Variants in TNRC18 observed in about 807,000 individuals in gnomAD.
The protein encoded by TNRC18 is trinucleotide repeat-containing gene 18 protein.
Under a neutral mutation model 226.7 loss-of-function variants are expected in TNRC18, and 69 were observed. The observed-to-expected ratio is 0.30, with a 90% CI of 0.25 to 0.37. TNRC18 has a LOEUF of 0.37. Among genes scored for constraint, TNRC18 ranks in the 10% least tolerant of loss-of-function variants. TNRC18 has a pLI of 1.00. For missense variants in TNRC18, 4,754 were observed against 4,256.6 expected (o/e 1.12, Z -3.25); for synonymous variants, 2,449 against 1,927.6 (o/e 1.27, Z -7.09).
Position 5,378,341 on chromosome 7 carries a change from T to C in TNRC18, c.2153-317A>G, listed in dbSNP as rs113517307. Among the ~76,000 whole-genome samples, 148 of 152,314 alleles carry C rather than the reference T, an allele frequency of 9.7e-4. 3 individuals carry two copies. Among genetic ancestry groups the C allele is most frequent in the African/African-American group, 3.3e-3 (137 of 41,570 alleles). ...CCAGGGATATTGTAAGAAAATGTCA[T>C]AAAACTTGTCACATAACAATGAAAC... On this transcript the variant is annotated intron_variant, in intron 5 of 29. Transcript: ENST00000430969.
At chr7:5,403,703 G>A (rs73059708) in intron 2 of TNRC18, among the ~76,000 whole-genome samples, 8,802 of 151,858 alleles carry the variant, frequency 0.058, 352 homozygotes, top group Non-Finnish European at 0.084. Context: ...GAAGGCACGA[G>A]GATCATTTGA....
At chr7:5,350,068 T>A (rs1791624369) in intron 17 of TNRC18, among the ~76,000 whole-genome samples, 1 of 148,278 alleles carries the variant, frequency 6.7e-6, no homozygotes, top group Non-Finnish European at 1.5e-5. Flanking sequence ...CTCAAAAACT[T>A]GGAAGCGGAA....
chr7:5,360,918 G>A, intron 14 of TNRC18, among the ~76,000 whole-genome samples: 1 of 152,152 alleles, frequency 6.6e-6, no homozygotes, highest in East Asian at 1.9e-4. Context: ...CAGGTCTTGA[G>A]CCGCCTAGCG....
rs1387947096 is a variant in TNRC18, at chr7:5,312,986, G to A, written c.7905C>T (p.Ser2635=). 5.6e-6 allele frequency: 6 copies of A among 1,067,964 alleles called. No homozygotes were observed. The African/African-American group carries it at 6.3e-5, about 11-fold the overall frequency. 66.2% of individuals were successfully genotyped at this position (1,067,964 alleles called of 1,614,324 possible). The change falls in exon 27 of 30, where the codon TCC becomes TCT. Residue 2635 remains serine (S), a synonymous_variant. Transcript: ENST00000430969. The surrounding 1 kb of genome is among the most constrained non-coding windows in gnomAD (Gnocchi z 6.3). ...SSSSSSSSSS[S]SSSSSSSSSS... ...AGGAAGAGGAGGAGGAGGAAGAGGA[G>A]GAGGAGGAAGAGGAGGATGAGGAGG...
chr7:5,384,159 G>A (rs4724651), intron 5 of TNRC18, among the ~76,000 whole-genome samples: 64,653 of 151,744 alleles, frequency 0.43, 17,940 homozygotes, highest in African/African-American at 0.79. Context: ...GTAGAGACGG[G>A]GTTTTACCAC....
chr7:5,317,315 C>T (rs924179407), intron 24 of TNRC18, among the ~76,000 whole-genome samples: 5 of 152,064 alleles, frequency 3.3e-5, no homozygotes, highest in East Asian at 1.9e-4. Flanking sequence ...TGAGGCCTGG[C>T]GCAGTGGCTC....
Position 5,324,739 on chromosome 7 carries a change from G to A in TNRC18, c.6300+357C>T, listed in dbSNP as rs1441268928. ...GGAAAAACCACTCGGGCAGGGGCTA[G>A]CAGGTGTGGGGAGTGGACATGCCAT... On this transcript the variant is annotated intron_variant, in intron 20 of 29. Transcript: ENST00000430969. The surrounding 1 kb of genome is among the most constrained non-coding windows in gnomAD (Gnocchi z 4.8). Among the ~76,000 whole-genome samples the A allele has an allele frequency of 1.3e-5, 2 of 152,180 alleles. No homozygotes were observed. The highest frequency in any genetic ancestry group is 4.8e-5 in the African/African-American group (2 of 41,446).
intron 17 of TNRC18, 28 bp from the exon 18 acceptor site, chr7:5,345,838 C>A: frequency 6.5e-7 from 1 of 1,530,562 alleles, no homozygotes; most frequent in Middle Eastern, 1.7e-4. Context: ...GGGACCGAGT[C>A]AGAGCCTTGG....
Position 5,352,161 on chromosome 7 carries a change from G to C in TNRC18, c.5195-67C>G, listed in dbSNP as rs1449894375. 2.7e-6 allele frequency: 4 copies of C among 1,464,876 alleles called. No homozygotes were observed. The East Asian group carries it at 9.6e-5, about 35-fold the overall frequency. 90.7% of individuals were successfully genotyped at this position (1,464,876 alleles called of 1,614,324 possible). A position where few individuals can be genotyped will look rare whatever the true frequency, so the allele number is the denominator to read the frequency against. On this transcript the variant is annotated intron_variant, in intron 16 of 29. Transcript: ENST00000430969. Reference sequence around the variant, plus strand: ...AGCAGGAGCTGGTGTCATTTTATTGGTTTTAATGGTTCTGAGAACGTACTG... The same window carrying C: ...AGCAGGAGCTGGTGTCATTTTATTGCTTTTAATGGTTCTGAGAACGTACTG...
chr7:5,400,333 G>C (rs943831454), intron 2 of TNRC18, among the ~76,000 whole-genome samples: 2 of 152,162 alleles, frequency 1.3e-5, no homozygotes, highest in African/African-American at 4.8e-5. Context: ...TTCAGAGCTG[G>C]GAGTGGTGGC....
rs750118272 is a variant in TNRC18, at chr7:5,371,276, G to A, written c.3318C>T (p.Asp1106=). The change falls in exon 11 of 30, where the codon GAC becomes GAT. Residue 1106 remains aspartate, a synonymous_variant. Coordinates refer to ENST00000430969, the MANE Select transcript of TNRC18 (RefSeq NM_001080495.3). ...GCACATCAGGGGCCAAGCCGTCCGC[G>A]TCGGCGGCGGCCGTGGGCTGCAGCA... ...PFLLQPTAAA[D]ADGLAPDVPL... is the part of the protein sequence containing the mutation. The A allele has an allele frequency of 2.1e-5, 33 of 1,586,654 alleles. No homozygotes were observed. The highest frequency in any genetic ancestry group is 2.0e-4 in the African/African-American group (15 of 74,222).
At chr7:5,399,522 C>A (rs907790096) in intron 2 of TNRC18, among the ~76,000 whole-genome samples, 1 of 151,890 alleles carries the variant, frequency 6.6e-6, no homozygotes, top group African/African-American at 2.4e-5. Flanking sequence ...GCCTGGCAGA[C>A]ATGGTAAAAC....
At chr7:5,339,228 TC>T (rs1790428068) in intron 18 of TNRC18, among the ~76,000 whole-genome samples, 1 of 131,002 alleles carries the variant, frequency 7.6e-6, no homozygotes, top group Non-Finnish European at 1.8e-5. Flanking sequence ...TCTTTTTTTT[TC>T]TTTTTTTTTT....
chr7:5,357,326 A>C (rs765251756), intron 15 of TNRC18, 50 bp from the exon 16 acceptor site: 3 of 1,529,068 alleles, frequency 2.0e-6, no homozygotes, highest in Non-Finnish European at 2.6e-6. Flanking sequence ...AAAACAGTAT[A>C]GTGGGTTTCA....
At position 5,308,966 on chromosome 7, in the gene TNRC18, G is replaced by T. The variant is rs757386421; in HGVS notation, c.8626-17C>A. 6.3e-7 allele frequency: 1 copy of T among 1,594,346 alleles called. No individual in the cohort carries two copies. Among genetic ancestry groups the T allele is most frequent in the South Asian group, 1.1e-5 (1 of 88,040 alleles). ...GTCCCAGTGCTGTGTGGGGGAGAGA[G>T]GAGGGGCTTGGGTGAGCCCGGGGGC... On this transcript the variant is annotated splice_polypyrimidine_tract_variant and intron_variant, in intron 28 of 29. Coordinates refer to ENST00000430969, the MANE Select transcript of TNRC18 (RefSeq NM_001080495.3).
intron 19 of TNRC18, among the ~76,000 whole-genome samples, chr7:5,331,790 G>C (rs897606088): frequency 6.6e-6 from 1 of 152,136 alleles, no homozygotes; most frequent in Admixed American, 6.5e-5. Context: ...TGCACCTGTA[G>C]TCCCAGCTAC....
chr7:5,335,776 C>T (rs944922887), intron 18 of TNRC18, among the ~76,000 whole-genome samples: 3 of 147,336 alleles, frequency 2.0e-5, no homozygotes, highest in African/African-American at 5.1e-5. Flanking sequence ...ACCTAAGAAA[C>T]TGGACTTCAA....
intron 11 of TNRC18, among the ~76,000 whole-genome samples, chr7:5,365,264 G>A (rs972941559): frequency 4.6e-5 from 7 of 152,064 alleles, no homozygotes; most frequent in African/African-American, 9.7e-5. Context: ...GGCACATGCC[G>A]TCACACCCAG....
intron 2 of TNRC18, among the ~76,000 whole-genome samples, chr7:5,398,097 CTCAA>C (rs1367848882): frequency 6.6e-6 from 1 of 152,058 alleles, no homozygotes; most frequent in African/African-American, 2.4e-5. Context: ...AACTCCTGAG[CTCAA>C]TCAATCCTCC....
Sources: gnomAD v4.1 joint callset for allele counts (sites outside exome capture counted in the v4.1 genomes callset) on GRCh38, gnomAD v4.1.1 for gene constraint, Gnocchi (gnomAD v3.1) non-coding constraint, MANE v1.5 for transcripts, NCBI Gene and HGNC (gene_info 2026-07-23, HGNC 2026-07-21) for gene names.